MAN1C1: variants seen among roughly 807,000 people sequenced by gnomAD.
The protein encoded by MAN1C1 is mannosidase alpha class 1C member 1.
MAN1C1 carries 49 observed loss-of-function variants against 71.5 expected under a neutral mutation model. The observed-to-expected ratio is 0.69, with a 90% confidence interval of 0.54 to 0.87. The LOEUF (loss-of-function observed/expected upper bound fraction) is 0.87. Among genes scored for constraint, MAN1C1 ranks in the 40% least tolerant of loss-of-function variants. MAN1C1 has a pLI of 0.00. For synonymous variants in MAN1C1, 352 were observed against 343.7 expected (o/e 1.02, Z -0.27); for missense variants, 743 against 835.0 (o/e 0.89, Z 1.36).
intron 3 of MAN1C1, among the ~76,000 whole-genome samples, chr1:25,747,427 G>A (rs1409477776): frequency 6.6e-6 from 1 of 152,226 alleles, no homozygotes; most frequent in Non-Finnish European, 1.5e-5. Flanking sequence ...ACTAAAGCAA[G>A]GCATGCATCC....
intron 2 of MAN1C1, among the ~76,000 whole-genome samples, chr1:25,701,191 C>T (rs2046437499): frequency 6.6e-6 from 1 of 152,206 alleles, no homozygotes; most frequent in Non-Finnish European, 1.5e-5. Context: ...TGCCCTTGGT[C>T]CTTGGCTTCC....
At chr1:25,700,967 G>A (rs2744783) in intron 2 of MAN1C1, among the ~76,000 whole-genome samples, 1 of 152,164 alleles carries the variant, frequency 6.6e-6, no homozygotes, top group Non-Finnish European at 1.5e-5. Context: ...GGCTGACTTC[G>A]CCATTAGGCT....
chr1:25,661,943 T>A (rs1285543311), intron 1 of MAN1C1, among the ~76,000 whole-genome samples: 1 of 151,900 alleles, frequency 6.6e-6, no homozygotes, highest in Non-Finnish European at 1.5e-5. Flanking sequence ...GTCTCTCCCC[T>A]TGAGGAATTT....
chr1:25,633,822 G>A (rs2045420134), intron 1 of MAN1C1, among the ~76,000 whole-genome samples: 1 of 151,976 alleles, frequency 6.6e-6, no homozygotes, highest in African/African-American at 2.4e-5. Flanking sequence ...CATGTTAATT[G>A]TTACCTAGAT....
intron 5 of MAN1C1, among the ~76,000 whole-genome samples, chr1:25,755,873 A>G (rs2047279289): frequency 6.6e-6 from 1 of 152,150 alleles, no homozygotes; most frequent in Admixed American, 6.5e-5. Context: ...GGGAGAGGAG[A>G]TCAGAGCTTC....
intron 1 of MAN1C1, chr1:25,654,099 A>G (rs1445246912): frequency 6.6e-6 from 1 of 152,234 alleles, no homozygotes; most frequent in East Asian, 1.9e-4. Context: ...TCCCAGGGTT[A>G]TAGAAGGAGT....
In MAN1C1 at chr1:25,776,467, G is replaced by C. The variant is rs1294916176; in HGVS notation, c.1258-1638G>C. Among the ~76,000 whole-genome samples, 1 of 152,154 alleles carries C rather than the reference G, an allele frequency of 6.6e-6. No individual in the cohort carries two copies. The highest frequency in any genetic ancestry group is 2.4e-5 in the African/African-American group (1 of 41,442). ...ACTTGGGAGGCTGAGGCACGAGAAT[G>C]GTTTAAACTTGGGAGGCGGAGGTTG... On this transcript the variant is annotated intron_variant, in intron 8 of 11. Coordinates refer to ENST00000374332, the MANE Select transcript of MAN1C1 (RefSeq NM_020379.4). This position sits in a 1 kb window ranked among gnomAD's most constrained non-coding sequence, Gnocchi z 4.3.
chr1:25,651,742 G>A (rs1268496285), intron 1 of MAN1C1, among the ~76,000 whole-genome samples: 2 of 152,200 alleles, frequency 1.3e-5, no homozygotes, highest in Non-Finnish European at 2.9e-5. Context: ...GCTATGACCT[G>A]AGGTTAAATG....
rs2047129553 is a variant in MAN1C1, at chr1:25,746,447, CG to C, written c.638-220del. Among the ~76,000 whole-genome samples, 1 of 152,184 alleles carries C rather than the reference CG, an allele frequency of 6.6e-6. No individual in the cohort carries two copies. Among genetic ancestry groups the C allele is most frequent in the African/African-American group, 2.4e-5 (1 of 41,438 alleles). ...AGCCTGGGCCCTCGGTCTCTCTGGC[CG>C]CTGTTTGCTGCCTTGAGGAGGAAGC... On this transcript the variant is annotated intron_variant, in intron 2 of 11. Coordinates refer to ENST00000374332, the MANE Select transcript of MAN1C1 (RefSeq NM_020379.4). This position sits in a 1 kb window ranked among gnomAD's most constrained non-coding sequence, Gnocchi z 4.0.
rs2047729516 is a variant in MAN1C1 at position 25,783,738 on chromosome 1, A to G, written c.1842A>G (p.Pro614=). The G allele has an allele frequency of 1.9e-6, 3 of 1,612,698 alleles. No individual in the cohort carries two copies. The highest frequency in any genetic ancestry group is 1.1e-5 in the South Asian group (1 of 91,054). Residue 614 remains proline, a synonymous_variant, in exon 12 of 12, where the codon CCA becomes CCG. Transcript: ENST00000374332. ...GGGTGTTCAACACCGAGGCCCACCCACTCCCGGTGAACCACTCAGACAGCT... is the reference window on the plus strand; with the variant it reads ...GGGTGTTCAACACCGAGGCCCACCCGCTCCCGGTGAACCACTCAGACAGCT... The part of the protein sequence containing the change: ...EDWVFNTEAH[P]LPVNHSDSSG...
chr1:25,755,777 G>C (rs2047277459), intron 5 of MAN1C1, among the ~76,000 whole-genome samples: 1 of 152,226 alleles, frequency 6.6e-6, no homozygotes, highest in South Asian at 2.1e-4. Context: ...AGAAGCTACA[G>C]CCAGGGTGGG....
At chr1:25,724,945 C>A (rs2046813438) in intron 2 of MAN1C1, among the ~76,000 whole-genome samples, 1 of 152,164 alleles carries the variant, frequency 6.6e-6, no homozygotes, top group African/African-American at 2.4e-5. Flanking sequence ...ATGAAATTTG[C>A]TTAATTATTT....
chr1:25,768,546 CCA>C (rs202142096), intron 7 of MAN1C1, among the ~76,000 whole-genome samples: 11 of 100,146 alleles, frequency 1.1e-4, no homozygotes, highest in Admixed American at 9.6e-5. Context: ...CTCACACACA[CCA>C]CACACACATT....
chr1:25,686,669 A>G, intron 2 of MAN1C1, 133 bp downstream of exon 2: 1 of 705,732 alleles, frequency 1.4e-6, no homozygotes, highest in East Asian at 2.6e-5. Context: ...GGGGCCTTCC[A>G]AGTCTGTGTT....
intron 1 of MAN1C1, among the ~76,000 whole-genome samples, chr1:25,658,362 A>T (rs2045797930): frequency 1.3e-5 from 2 of 152,146 alleles, no homozygotes; most frequent in Admixed American, 1.3e-4. Flanking sequence ...GGCTAGCATG[A>T]GTGGGAGGGG....
At chr1:25,733,586 T>C (rs1339011275) in intron 2 of MAN1C1, among the ~76,000 whole-genome samples, 1 of 152,090 alleles carries the variant, frequency 6.6e-6, no homozygotes, top group East Asian at 1.9e-4. Flanking sequence ...TTTTTCTGCA[T>C]CACACACGTT....
chr1:25,656,011 C>T (rs2045758945), intron 1 of MAN1C1, among the ~76,000 whole-genome samples: 1 of 150,658 alleles, frequency 6.6e-6, no homozygotes, highest in Admixed American at 6.6e-5. Context: ...TCAGGGTGCT[C>T]AGGAGCTGCC....
intron 2 of MAN1C1, among the ~76,000 whole-genome samples, chr1:25,731,330 ATCATCG>A (rs1208391321): frequency 1.4e-5 from 2 of 143,374 alleles, no homozygotes; most frequent in Non-Finnish European, 1.5e-5. Context: ...AATAATCATC[ATCATCG>A]TCATCATCAT....
At chr1:25,679,978 TACACAC>T in intron 1 of MAN1C1, among the ~76,000 whole-genome samples, 1 of 127,208 alleles carries the variant, frequency 7.9e-6, no homozygotes, top group East Asian at 2.2e-4. Flanking sequence ...TATATATATA[TACACAC>T]ACACACACAC....
Sources: allele counts gnomAD v4.1 joint callset (sites outside exome capture counted in the v4.1 genomes callset), GRCh38; gene constraint gnomAD v4.1.1; non-coding constraint Gnocchi (gnomAD v3.1); transcripts MANE v1.5; gene names NCBI Gene and HGNC (gene_info 2026-07-23, HGNC 2026-07-21).